TRPV3: variants seen among roughly 807,000 people sequenced by gnomAD.
The protein encoded by TRPV3 is VRL-3.
TRPV3 carries 88 observed loss-of-function variants against 87.1 expected under a neutral mutation model. The ratio of observed to expected loss-of-function variants is 1.01; its 90% confidence interval spans 0.85 to 1.21. TRPV3 has a LOEUF of 1.21. TRPV3 is among the 50% of genes most tolerant of loss of function. TRPV3 has a pLI of 0.00. For synonymous variants in TRPV3, 438 were observed against 423.3 expected, an observed-to-expected ratio of 1.03 and a Z score of -0.43; for missense variants, 1,054 against 1,030.1, an observed-to-expected ratio of 1.02 and a Z score of -0.32.
At chr17:3,517,140 A>G (rs2074190231) in intron 15 of TRPV3, among the ~76,000 whole-genome samples, 1 of 151,822 alleles carries the variant, frequency 6.6e-6, no homozygotes, top group Non-Finnish European at 1.5e-5. Flanking sequence ...GCGAAACTCC[A>G]TGATATAAAT....
chr17:3,550,520 C>CTTTTT (rs35400667), intron 2 of TRPV3, among the ~76,000 whole-genome samples: 18 of 92,184 alleles, frequency 2.0e-4, no homozygotes, highest in Non-Finnish European at 2.1e-4. Flanking sequence ...CCTGCCTGCT[C>CTTTTT]TTTTTTTTTT....
At chr17:3,527,636 G>C (rs1350467429) in intron 11 of TRPV3, 1 of 266,070 alleles carries the variant, frequency 3.8e-6, no homozygotes, top group African/African-American at 2.3e-5. Flanking sequence ...GACAGATGGA[G>C]AGATGGAAAG....
Position 3,526,903 on chromosome 17 carries a change from G to A in TRPV3, c.1528C>T (p.Pro510Ser), listed in dbSNP as rs763691919. The change falls in exon 12 of 18, where the codon CCC becomes TCC. Residue 510 changes from proline to serine, a missense_variant. Coordinates refer to ENST00000576742, the MANE Select transcript of TRPV3 (RefSeq NM_145068.4). Reference protein sequence around the residue: ...KEGIAIFLLRPSDLQSILSDA... With the variant: ...KEGIAIFLLRSSDLQSILSDA... ...GAGAGGATGGACTGCAGATCCGAGG[G>A]TCTCAGCAGGAAGATGGCAATGCCC... is the stretch of plus-strand genomic sequence containing the variant. The A allele has an allele frequency of 5.6e-6, 9 of 1,612,120 alleles. No individual in the cohort carries two copies. The East Asian group carries it at 1.1e-4, about 20-fold the overall frequency.
intron 7 of TRPV3, among the ~76,000 whole-genome samples, chr17:3,535,012 T>C (rs1468718570): frequency 9.2e-5 from 14 of 151,646 alleles, no homozygotes; most frequent in Admixed American, 9.2e-4. Context: ...CCTTCTCTGG[T>C]CCACCCTGGT....
At position 3,518,704 on chromosome 17, in the gene TRPV3, G is replaced by C; in HGVS notation, c.1957C>G (p.Leu653Val). ...TAGGTGATGAGCAGGAACAGAAAGAGAATGGGATACTTGGAGTTCTGCTGG... is the reference window on the plus strand; with the variant it reads ...TAGGTGATGAGCAGGAACAGAAAGACAATGGGATACTTGGAGTTCTGCTGG... ...NIQQNSKYPI[L>V]FLFLLITYVI... Residue 653 changes from leucine to valine, a missense_variant, in exon 15 of 18, where the codon CTC becomes GTC. By Grantham distance (32) the Leu-to-Val change is conservative. Coordinates refer to ENST00000576742, the MANE Select transcript of TRPV3 (RefSeq NM_145068.4). This position sits in a 1 kb window ranked among gnomAD's most constrained non-coding sequence, Gnocchi z 4.3. 2 of 1,612,320 alleles carry C rather than the reference G, an allele frequency of 1.2e-6. No individual in the cohort carries two copies. Among genetic ancestry groups the C allele is most frequent in the Non-Finnish European group, 1.7e-6 (2 of 1,179,314 alleles).
At chr17:3,550,331 A>G (rs958511322) in intron 2 of TRPV3, among the ~76,000 whole-genome samples, 3 of 152,012 alleles carry the variant, frequency 2.0e-5, no homozygotes, top group Non-Finnish European at 4.4e-5. Flanking sequence ...ACAGGGGCCC[A>G]AAGATGGTCC....
chr17:3,518,760 T>C lies in TRPV3; in HGVS notation c.1901A>G (p.Lys634Arg). Residue 634 changes from lysine to arginine, a missense_variant, in exon 15 of 18, where the codon AAG (lysine) becomes AGG (arginine). Coordinates refer to ENST00000576742, the MANE Select transcript of TRPV3 (RefSeq NM_145068.4). The surrounding 1 kb of genome is among the most constrained non-coding windows in gnomAD (Gnocchi z 4.3). ...CAGGTCACCCAGGCCTATGGTGAGC[T>C]TGAAGAGTTCCAGCACTGCGTCGCT... ...SFSDAVLELF[K>R]LTIGLGDLNI... The C allele has an allele frequency of 1.5e-5, 24 of 1,614,092 alleles. No individual in the cohort carries two copies. Among genetic ancestry groups the C allele is most frequent in the Non-Finnish European group, 2.0e-5 (24 of 1,179,984 alleles).
rs1567633172 is a variant in TRPV3, at chr17:3,524,342, C to T, written c.1599G>A (p.Val533=). ...HFVFFIQAVL[V]ILSVFLYLFA... ...ACAAGTACAAGAAGACAGACAGTAT[C>T]ACAAGCACAGCTTGGATAAAACTGT... Residue 533 remains valine, a synonymous_variant, in exon 13 of 18, where the codon GTG becomes GTA. Coordinates refer to ENST00000576742, the MANE Select transcript of TRPV3 (RefSeq NM_145068.4). 6.2e-7 allele frequency: 1 copy of T among 1,614,244 alleles called. No homozygotes were observed. The highest frequency in any genetic ancestry group is 8.5e-7 in the Non-Finnish European group (1 of 1,180,046).
chr17:3,538,210 A>G (rs964392707), intron 6 of TRPV3, among the ~76,000 whole-genome samples: 4 of 152,022 alleles, frequency 2.6e-5, no homozygotes, highest in Admixed American at 6.6e-5. Context: ...ATAGAAAGGC[A>G]TTGTGTTTTT....
Position 3,556,634 on chromosome 17 carries a change from G to T in TRPV3, c.-3+1042C>A, listed in dbSNP as rs1428139040. ...TCCGGAGCCAGGTGTCATCAGGCTG[G>T]AGAGAGTCCCCCGCCCTCCAACTCA... On this transcript the variant is annotated intron_variant, in intron 1 of 17. Transcript: ENST00000576742. This position sits in a 1 kb window ranked among gnomAD's most constrained non-coding sequence, Gnocchi z 4.2. Among the ~76,000 whole-genome samples, 1 of 152,168 alleles carries T rather than the reference G, an allele frequency of 6.6e-6. No homozygotes were observed. The highest frequency in any genetic ancestry group is 1.9e-4 in the East Asian group (1 of 5,184).
Position 3,513,135 on chromosome 17 carries a change from T to C in TRPV3, c.*782A>G, listed in dbSNP as rs777662800. On this transcript the variant is annotated 3_prime_UTR_variant, in exon 18 of 18. Coordinates refer to ENST00000576742, the MANE Select transcript of TRPV3 (RefSeq NM_145068.4). ...GGGCACCCTGAGGCCAAATATATAA[T>C]ACTTACATCCAGCCCCAAAGCCCCC... 6 of 152,614 alleles carry C rather than the reference T, an allele frequency of 3.9e-5. No individual in the cohort carries two copies. Among genetic ancestry groups the C allele is most frequent in the Non-Finnish European group, 8.8e-5 (6 of 68,048 alleles). The allele number at this position is 152,614 out of a possible 1,614,324, so 9.5% of individuals were successfully genotyped here.
intron 5 of TRPV3, among the ~76,000 whole-genome samples, chr17:3,543,229 C>T (rs540176156): frequency 1.3e-5 from 2 of 152,306 alleles, no homozygotes; most frequent in South Asian, 4.2e-4. Context: ...GGTCCCAGCC[C>T]TGCCTGAACA....
At chr17:3,540,798 CT>C (rs2074451895) in intron 6 of TRPV3, among the ~76,000 whole-genome samples, 1 of 152,164 alleles carries the variant, frequency 6.6e-6, no homozygotes, top group East Asian at 1.9e-4. Context: ...CTGTCAACTC[CT>C]TAGAGACAGG....
In TRPV3 at chr17:3,532,776, A is replaced by G. The variant is rs1567637959; in HGVS notation, c.946T>C (p.Phe316Leu). The G allele has an allele frequency of 1.9e-6, 3 of 1,614,222 alleles. No individual in the cohort carries two copies. Among genetic ancestry groups the G allele is most frequent in the Non-Finnish European group, 2.5e-6 (3 of 1,180,044 alleles). ...VAEDFKTQNDFVKRMYDMILL... is the reference protein window; with the variant it reads ...VAEDFKTQNDLVKRMYDMILL... ...ATCATGTCGTACATGCGCTTCACAA[A>G]GTCATTCTGCGTCTTGAAGTCCTCG... is the stretch of plus-strand genomic sequence containing the variant. The change falls in exon 8 of 18, where the codon TTT (phenylalanine) becomes CTT (leucine). Residue 316 changes from phenylalanine to leucine, a missense_variant. Coordinates refer to ENST00000576742, the MANE Select transcript of TRPV3 (RefSeq NM_145068.4).
intron 7 of TRPV3, among the ~76,000 whole-genome samples, chr17:3,533,287 G>C (rs913332722): frequency 6.6e-6 from 1 of 152,016 alleles, no homozygotes; most frequent in Non-Finnish European, 1.5e-5. Context: ...CTGCTACAAC[G>C]GCCTTTTTCC....
intron 6 of TRPV3, among the ~76,000 whole-genome samples, chr17:3,540,692 GAC>G (rs1272992254): frequency 6.6e-6 from 1 of 152,314 alleles, no homozygotes; most frequent in Admixed American, 6.5e-5. Flanking sequence ...CTACAATACT[GAC>G]AAGAAGAAAG....
intron 13 of TRPV3, 96 bp downstream of exon 13, chr17:3,524,102 C>G: frequency 1.3e-6 from 2 of 1,502,454 alleles, no homozygotes; most frequent in South Asian, 2.5e-5. Flanking sequence ...TGACCTGCCC[C>G]TTGGTAAACC....
intron 17 of TRPV3, 141 bp downstream of exon 17, chr17:3,514,452 G>A: frequency 1.5e-6 from 1 of 651,188 alleles, no homozygotes; most frequent in East Asian, 2.7e-5. Context: ...AAAAGTCAGA[G>A]CTGGAAGAGA....
At position 3,542,508 on chromosome 17, in the gene TRPV3, T is replaced by C. The variant is rs2074473322; in HGVS notation, c.643+14A>G. 1 of 1,610,912 alleles carries C rather than the reference T, an allele frequency of 6.2e-7. No homozygotes were observed. Among genetic ancestry groups the C allele is most frequent in the African/African-American group, 1.3e-5 (1 of 75,048 alleles). On this transcript the variant is annotated intron_variant, in intron 6 of 17. Coordinates refer to ENST00000576742, the MANE Select transcript of TRPV3 (RefSeq NM_145068.4). ...GAGACTCCTGTCTGCACAGCCCCTC[T>C]GCAGGCAGGATACCTTCATAGGCCT... is the stretch of plus-strand genomic sequence containing the variant.
Sources: allele counts gnomAD v4.1 joint callset (sites outside exome capture counted in the v4.1 genomes callset), GRCh38; gene constraint gnomAD v4.1.1; non-coding constraint Gnocchi (gnomAD v3.1); transcripts MANE v1.5; gene names NCBI Gene and HGNC (gene_info 2026-07-23, HGNC 2026-07-21).